ATG2B: variants seen among roughly 807,000 people sequenced by gnomAD.
The protein encoded by ATG2B is autophagy related 2B.
ATG2B carries 121 observed loss-of-function variants against 241.3 expected under a neutral mutation model. The ratio of observed to expected loss-of-function variants is 0.50; its 90% CI spans 0.43 to 0.58. The LOEUF is 0.58. Among genes scored for constraint, ATG2B ranks in the 20% least tolerant of loss-of-function variants. The probability of loss-of-function intolerance (pLI) is 0.00; values close to 1 mark genes in which losing one functional copy is unlikely to be tolerated. For missense variants in ATG2B, 2,306 were observed against 2,491.6 expected (o/e 0.93, Z 1.59); for synonymous variants, 858 against 876.6 (o/e 0.98, Z 0.37).
chr14:96,331,596 C>T lies in ATG2B; in HGVS notation c.1510G>A (p.Glu504Lys), dbSNP rs1482996525. ...RSVSVDESRP[E>K]LIFRLAVGTF... ...CCCACAGCTAGTCTAAAAATAAGTT[C>T]AGGCCTTGATTCATCCACTGAAACA... Residue 504 changes from glutamate (E) to lysine (K), a missense_variant, in exon 11 of 42, where the codon GAA (glutamate) becomes AAA (lysine). By Grantham distance (56) the Glu-to-Lys change is moderately conservative (BLOSUM62 1). Transcript: ENST00000359933. 1 of 1,613,854 alleles carries T rather than the reference C, an allele frequency of 6.2e-7. No individual in the cohort carries two copies. Among genetic ancestry groups the T allele is most frequent in the Admixed American group, 1.7e-5 (1 of 59,992 alleles).
chr14:96,319,753 T>C (rs1362176342), intron 18 of ATG2B, among the ~76,000 whole-genome samples: 3 of 152,164 alleles, frequency 2.0e-5, no homozygotes, highest in Admixed American at 2.0e-4. Flanking sequence ...GTACTAAACA[T>C]TGAAGGGACT....
intron 23 of ATG2B, among the ~76,000 whole-genome samples, chr14:96,313,967 T>A (rs1887234208): frequency 6.6e-6 from 1 of 152,212 alleles, no homozygotes; most frequent in African/African-American, 2.4e-5. Flanking sequence ...GTTTTTCATA[T>A]AAGTCATTGT....
chr14:96,341,526 G>A lies in ATG2B; in HGVS notation c.920C>T (p.Ala307Val). The A allele has an allele frequency of 6.4e-7, 1 of 1,574,200 alleles. No individual in the cohort carries two copies. Among genetic ancestry groups the A allele is most frequent in the Non-Finnish European group, 8.6e-7 (1 of 1,160,370 alleles). Residue 307 changes from alanine (A) to valine (V), a missense_variant, in exon 6 of 42, where the codon GCT (alanine) becomes GTT (valine). By Grantham distance (64) the Ala-to-Val change is moderately conservative (BLOSUM62 0). This residue lies in a region of ATG2B where 1,927 missense variants were observed against 2,011.2 expected (regional missense o/e 0.96). Coordinates refer to ENST00000359933, the MANE Select transcript of ATG2B (RefSeq NM_018036.7). Reference sequence around the variant, plus strand: ...GAAAGTGAAACAAACACTGACCTTAGCTCCAGGAAGCACTTCATTCTGTTT... The same window carrying A: ...GAAAGTGAAACAAACACTGACCTTAACTCCAGGAAGCACTTCATTCTGTTT... ...TLKQNEVLPGAKLDVDGQIDS... is the reference protein window; with the variant it reads ...TLKQNEVLPGVKLDVDGQIDS...
In ATG2B at chr14:96,333,841, C is replaced by A. The variant is rs750398786; in HGVS notation, c.1054G>T (p.Asp352Tyr). Residue 352 changes from aspartate (D) to tyrosine (Y), a missense_variant, in exon 8 of 42, where the codon GAT becomes TAT. This residue lies in a region of ATG2B where 1,927 missense variants were observed against 2,011.2 expected (regional missense o/e 0.96). Coordinates refer to ENST00000359933, the MANE Select transcript of ATG2B (RefSeq NM_018036.7). ...TGCTGCATGGGTCGATTTTTCCTAT[C>A]TTTATTAGCTAACCCTATTTTGCTA... ...NSSKIGLANKDRKNRPMQQED... is the reference protein window; with the variant it reads ...NSSKIGLANKYRKNRPMQQED... 1 of 1,613,714 alleles carries A rather than the reference C, an allele frequency of 6.2e-7. No individual in the cohort carries two copies. The highest frequency in any genetic ancestry group is 8.5e-7 in the Non-Finnish European group (1 of 1,179,828).
intron 38 of ATG2B, among the ~76,000 whole-genome samples, chr14:96,291,368 T>C (rs1886479170): frequency 6.6e-6 from 1 of 152,198 alleles, no homozygotes; most frequent in Non-Finnish European, 1.5e-5. Flanking sequence ...TAGAAAATTA[T>C]TTAAAATATC....
chr14:96,342,092 T>C (rs114609947), intron 5 of ATG2B, among the ~76,000 whole-genome samples: 1,983 of 152,218 alleles, frequency 0.013, 56 homozygotes, highest in African/African-American at 0.045. Context: ...TCCTTAATTA[T>C]AAAGCTTTTT....
rs1438908708 is a variant in ATG2B, at chr14:96,333,857, T to C, written c.1038A>G (p.Ile346Met). The change falls in exon 8 of 42, where the codon ATA becomes ATG. Residue 346 changes from isoleucine (I) to methionine (M), a missense_variant. Around this residue, in one of 2 missense-constraint regions of ATG2B, gnomAD observed 1,927 missense variants for 2,011.2 expected, o/e 0.96. Coordinates refer to ENST00000359933, the MANE Select transcript of ATG2B (RefSeq NM_018036.7). Reference protein sequence around the residue: ...AIAGPENSSKIGLANKDRKNR... With the variant: ...AIAGPENSSKMGLANKDRKNR... ...TTTTCCTATCTTTATTAGCTAACCC[T>C]ATTTTGCTAGAATTTTCTATAAGCA... is the stretch of plus-strand genomic sequence containing the variant. 1 of 1,613,156 alleles carries C rather than the reference T, an allele frequency of 6.2e-7. No homozygotes were observed. Among genetic ancestry groups the C allele is most frequent in the Non-Finnish European group, 8.5e-7 (1 of 1,179,430 alleles).
chr14:96,354,586 C>T (rs568397438), intron 1 of ATG2B, among the ~76,000 whole-genome samples: 24 of 152,226 alleles, frequency 1.6e-4, no homozygotes, highest in Admixed American at 9.2e-4. Context: ...TGAACATAAG[C>T]GTGCATATAT....
chr14:96,290,531 T>C lies in ATG2B; in HGVS notation c.5761A>G (p.Ile1921Val), dbSNP rs1839930462. 1 of 1,614,220 alleles carries C rather than the reference T, an allele frequency of 6.2e-7. No homozygotes were observed. Among genetic ancestry groups the C allele is most frequent in the Non-Finnish European group, 8.5e-7 (1 of 1,180,030 alleles). Residue 1921 changes from isoleucine to valine, a missense_variant, in exon 40 of 42, where the codon ATT (isoleucine) becomes GTT (valine). By Grantham distance (29) the Ile-to-Val change is conservative (BLOSUM62 3). Coordinates refer to ENST00000359933, the MANE Select transcript of ATG2B (RefSeq NM_018036.7). The surrounding 1 kb of genome is among the most constrained non-coding windows in gnomAD (Gnocchi z 4.4). Reference protein sequence around the residue: ...PIEQYRKDGRIVRGFQRGAAS... With the variant: ...PIEQYRKDGRVVRGFQRGAAS... ...GCGCCTCTCTGAAACCCTCTGACAATGCGGCCATCCTTCCGGTACTGCTCT... is the reference window on the plus strand; with the variant it reads ...GCGCCTCTCTGAAACCCTCTGACAACGCGGCCATCCTTCCGGTACTGCTCT...
At chr14:96,301,202 C>T (rs778208715) in intron 34 of ATG2B, among the ~76,000 whole-genome samples, 11 of 152,288 alleles carry the variant, frequency 7.2e-5, no homozygotes, top group Admixed American at 2.0e-4. Flanking sequence ...TTTATTTAAT[C>T]TTCATTTTAA....
chr14:96,346,966 A>C (rs1888184548), intron 2 of ATG2B, among the ~76,000 whole-genome samples: 1 of 152,232 alleles, frequency 6.6e-6, no homozygotes, highest in Non-Finnish European at 1.5e-5. Context: ...TAAACCAAAC[A>C]ATCTGTATAC....
At chr14:96,294,879 G>T in intron 36 of ATG2B, 81 bp downstream of exon 36, 1 of 1,278,756 alleles carries the variant, frequency 7.8e-7, no homozygotes, top group South Asian at 1.4e-5. Context: ...GGAACCTCAT[G>T]ATTACCAGCA....
At chr14:96,291,746 A>G (rs1279647017) in intron 37 of ATG2B, 64 bp from the exon 38 acceptor site, 1 of 1,188,248 alleles carries the variant, frequency 8.4e-7, no homozygotes, top group African/African-American at 1.5e-5. Context: ...ATCTAAAATA[A>G]TTGTTATTTT....
In ATG2B at chr14:96,290,543, T is replaced by G; in HGVS notation, c.5749A>C (p.Lys1917Gln). ...AACCCTCTGACAATGCGGCCATCCT[T>G]CCGGTACTGCTCTATTGGGAGCCAG... Reference protein sequence around the residue: ...LVWLPIEQYRKDGRIVRGFQR... With the variant: ...LVWLPIEQYRQDGRIVRGFQR... Residue 1917 changes from lysine to glutamine, a missense_variant, in exon 40 of 42, where the codon AAG becomes CAG. This residue lies in a region of ATG2B where 379 missense variants were observed against 480.4 expected (regional missense o/e 0.79). Transcript: ENST00000359933. This position sits in a 1 kb window ranked among gnomAD's most constrained non-coding sequence, Gnocchi z 4.4. 1 of 1,614,202 alleles carries G rather than the reference T, an allele frequency of 6.2e-7. No individual in the cohort carries two copies. The highest frequency in any genetic ancestry group is 8.5e-7 in the Non-Finnish European group (1 of 1,180,038).
chr14:96,293,905 A>G (rs1458517905), intron 36 of ATG2B, among the ~76,000 whole-genome samples: 1 of 152,226 alleles, frequency 6.6e-6, no homozygotes, highest in Admixed American at 6.5e-5. Flanking sequence ...ACAAAAACCA[A>G]ATTGGCAGTT....
chr14:96,308,211 AATAC>A (rs1395860127), intron 29 of ATG2B, among the ~76,000 whole-genome samples: 1 of 108,808 alleles, frequency 9.2e-6, no homozygotes, highest in Non-Finnish European at 1.9e-5. Context: ...TATATATATA[AATAC>A]ATAAATATAT....
At position 96,309,576 on chromosome 14, in the gene ATG2B, A is replaced by G; in HGVS notation, c.4180T>C (p.Ser1394Pro). Reference protein sequence around the residue: ...RRSKVDSSGRSSSRGPVLPEA... With the variant: ...RRSKVDSSGRPSSRGPVLPEA... The stretch of plus-strand genomic sequence containing the variant: ...GGAAGTACTGGACCACGTGAGGATG[A>G]TCGACCACTGGAATCTACCTATAGC... Residue 1394 changes from serine (S) to proline (P), a missense_variant, in exon 29 of 42, where the codon TCA (serine) becomes CCA (proline). Physicochemically the swap from Ser to Pro is moderately conservative, Grantham distance 74. This residue lies in a region of ATG2B where 1,927 missense variants were observed against 2,011.2 expected (regional missense o/e 0.96). Transcript: ENST00000359933. 6.2e-7 allele frequency: 1 copy of G among 1,613,142 alleles called. No individual in the cohort carries two copies. Among genetic ancestry groups the G allele is most frequent in the Non-Finnish European group, 8.5e-7 (1 of 1,179,544 alleles).
intron 41 of ATG2B, 75 bp from the exon 42 acceptor site, chr14:96,286,060 G>T: frequency 8.8e-7 from 1 of 1,139,370 alleles, no homozygotes; most frequent in Admixed American, 2.1e-5. Context: ...AAGCTATCCT[G>T]CAGTACACAC....
At chr14:96,343,608 G>A (rs894045695) in intron 4 of ATG2B, among the ~76,000 whole-genome samples, 1 of 152,004 alleles carries the variant, frequency 6.6e-6, no homozygotes, top group Non-Finnish European at 1.5e-5. Flanking sequence ...ACTTTATGAG[G>A]CTTAAATTGA....
Sources: allele counts gnomAD v4.1 joint callset (sites outside exome capture counted in the v4.1 genomes callset), GRCh38; gene constraint gnomAD v4.1.1; regional missense constraint gnomAD v4.1.1; non-coding constraint Gnocchi (gnomAD v3.1); transcripts MANE v1.5; gene names NCBI Gene and HGNC (gene_info 2026-07-23, HGNC 2026-07-21).